Variants in DNM3 observed in about 807,000 individuals in gnomAD.
The protein encoded by DNM3 is dynamin 3.
Under a neutral mutation model 101.6 loss-of-function variants are expected in DNM3, and 47 were observed. The ratio of observed to expected loss-of-function variants is 0.46; its 90% CI spans 0.37 to 0.59. The LOEUF (loss-of-function observed/expected upper bound fraction) is 0.59. DNM3 is among the 20% of genes least tolerant of loss of function. DNM3 has a pLI of 0.00. For synonymous variants in DNM3, 385 were observed against 387.9 expected, an observed-to-expected ratio of 0.99 and a Z score of 0.09; for missense variants, 849 against 1,085.7, an observed-to-expected ratio of 0.78 and a Z score of 3.06.
intron 1 of DNM3, among the ~76,000 whole-genome samples, chr1:171,857,938 A>G (rs2033786327): frequency 6.6e-6 from 1 of 152,168 alleles, no homozygotes; most frequent in Non-Finnish European, 1.5e-5. Flanking sequence ...CCTCTGCACA[A>G]AAAGAAGAGG....
intron 9 of DNM3, 38 bp from the exon 10 acceptor site, chr1:172,048,573 TA>T (rs756904047): frequency 2.6e-6 from 4 of 1,563,954 alleles, no homozygotes; most frequent in Admixed American, 2.1e-5. Flanking sequence ...ATTACTCAAT[TA>T]AAAAAATCTC....
chr1:171,904,891 CG>C (rs1258968791), intron 1 of DNM3, among the ~76,000 whole-genome samples: 1 of 152,052 alleles, frequency 6.6e-6, no homozygotes, highest in African/African-American at 2.4e-5. Flanking sequence ...AACAGAACCA[CG>C]GGGTTTAGAC....
chr1:172,152,416 C>T (rs575996270), intron 14 of DNM3, among the ~76,000 whole-genome samples: 1 of 151,960 alleles, frequency 6.6e-6, no homozygotes, highest in East Asian at 1.9e-4. Context: ...TAAATTTTGC[C>T]CTATGTACTT....
At chr1:172,150,129 A>G (rs1430130557) in intron 14 of DNM3, among the ~76,000 whole-genome samples, 2 of 152,180 alleles carry the variant, frequency 1.3e-5, no homozygotes, top group East Asian at 3.9e-4. Flanking sequence ...AGCTGTGTCC[A>G]TTATAGATAC....
At chr1:171,870,833 A>T (rs2035209169) in intron 1 of DNM3, among the ~76,000 whole-genome samples, 1 of 152,230 alleles carries the variant, frequency 6.6e-6, no homozygotes, top group African/African-American at 2.4e-5. Flanking sequence ...ATCTGTGTTG[A>T]AAGGTAGTAC....
At chr1:172,182,331 C>T (rs2059379949) in intron 14 of DNM3, among the ~76,000 whole-genome samples, 1 of 151,986 alleles carries the variant, frequency 6.6e-6, no homozygotes, top group African/African-American at 2.4e-5. Context: ...AATTTAGGAT[C>T]TGGCATCACT....
chr1:172,116,139 A>T (rs1414816219), intron 13 of DNM3, among the ~76,000 whole-genome samples: 1 of 152,202 alleles, frequency 6.6e-6, no homozygotes, highest in Non-Finnish European at 1.5e-5. Context: ...ATGAAATATC[A>T]GTTCTTTCTT....
At chr1:172,365,791 T>A (rs960523092) in intron 17 of DNM3, among the ~76,000 whole-genome samples, 1 of 151,936 alleles carries the variant, frequency 6.6e-6, no homozygotes, top group Admixed American at 6.6e-5. Flanking sequence ...ATCCTGTAGA[T>A]GAGCGCAAAG....
At chr1:172,071,429 A>T (rs1322599853) in intron 11 of DNM3, among the ~76,000 whole-genome samples, 2 of 151,962 alleles carry the variant, frequency 1.3e-5, no homozygotes, top group African/African-American at 4.8e-5. Flanking sequence ...TAGTGTGGAC[A>T]TGTCATTTTG....
chr1:172,201,201 C>A (rs2060140513), intron 14 of DNM3, among the ~76,000 whole-genome samples: 1 of 152,102 alleles, frequency 6.6e-6, no homozygotes, highest in South Asian at 2.1e-4. Context: ...GCTTATTGGT[C>A]AGTTGGTAGA....
At chr1:172,358,561 A>G (rs1250622364) in intron 17 of DNM3, among the ~76,000 whole-genome samples, 4 of 152,038 alleles carry the variant, frequency 2.6e-5, no homozygotes, top group Admixed American at 1.3e-4. Flanking sequence ...CCAAATCTCT[A>G]CAAGACTCTC....
chr1:171,983,494 G>A lies in DNM3; in HGVS notation c.236-4162G>A, dbSNP rs188596560. 5.9e-5 allele frequency among the ~76,000 whole-genome samples: 9 copies of A among 151,956 alleles called. No homozygotes were observed. In the East Asian group the frequency reaches 1.7e-3, roughly 29 times the overall value. ...GACATGTTGGCAGGGTTTGATGGACGTCTCCTCTTTTCTTGGCTTTGTTTT... is the reference window on the plus strand; with the variant it reads ...GACATGTTGGCAGGGTTTGATGGACATCTCCTCTTTTCTTGGCTTTGTTTT... On this transcript the variant is annotated intron_variant, in intron 2 of 20. Transcript: ENST00000627582.
At chr1:172,274,450 G>A (rs1177092024) in intron 15 of DNM3, among the ~76,000 whole-genome samples, 1 of 152,050 alleles carries the variant, frequency 6.6e-6, no homozygotes, top group Non-Finnish European at 1.5e-5. Flanking sequence ...TGCCCCAGAG[G>A]GAAAGGAACA....
At chr1:171,982,259 A>T (rs924052922) in intron 2 of DNM3, among the ~76,000 whole-genome samples, 2 of 152,180 alleles carry the variant, frequency 1.3e-5, no homozygotes, top group Admixed American at 1.3e-4. Flanking sequence ...CTATTAAAAG[A>T]TCCAGCTATT....
intron 14 of DNM3, among the ~76,000 whole-genome samples, chr1:172,146,663 A>C (rs2057916049): frequency 6.6e-6 from 1 of 152,154 alleles, no homozygotes; most frequent in Non-Finnish European, 1.5e-5. Flanking sequence ...TTTTCAAAGT[A>C]TCTGTGTGTT....
In DNM3 at chr1:172,027,980, C is replaced by A. The variant is rs115843407; in HGVS notation, c.590-4422C>A. 6.9e-3 allele frequency among the ~76,000 whole-genome samples: 1,055 copies of A among 152,236 alleles called. 19 individuals carry two copies. Among genetic ancestry groups the A allele is most frequent in the African/African-American group, 0.024 (994 of 41,528 alleles). ...ACTTCCACATAATAATAGTGGGATA[C>A]TTTAACACCCTACTGCCAATATTAG... is the stretch of plus-strand genomic sequence containing the variant. On this transcript the variant is annotated intron_variant, in intron 4 of 20. Coordinates refer to ENST00000627582, the MANE Select transcript of DNM3 (RefSeq NM_015569.5).
At chr1:172,315,393 A>C (rs1288234823) in intron 16 of DNM3, among the ~76,000 whole-genome samples, 2 of 152,236 alleles carry the variant, frequency 1.3e-5, no homozygotes, top group African/African-American at 4.8e-5. Flanking sequence ...ACATAGAATT[A>C]CTTTGACGAG....
chr1:171,854,035 G>T (rs1358258893), intron 1 of DNM3, among the ~76,000 whole-genome samples: 1 of 152,106 alleles, frequency 6.6e-6, no homozygotes, highest in Non-Finnish European at 1.5e-5. Flanking sequence ...GACCAAAATG[G>T]GTTCAAACAA....
At chr1:172,165,847 A>G (rs183060680) in intron 14 of DNM3, among the ~76,000 whole-genome samples, 80 of 152,184 alleles carry the variant, frequency 5.3e-4, no homozygotes, top group African/African-American at 1.8e-3. Flanking sequence ...AGGACCTTAT[A>G]TATTTTTTTG....
Sources: gnomAD v4.1 joint callset for allele counts (sites outside exome capture counted in the v4.1 genomes callset) on GRCh38, gnomAD v4.1.1 for gene constraint, MANE v1.5 for transcripts, NCBI Gene and HGNC (gene_info 2026-07-23, HGNC 2026-07-21) for gene names.